The following ERBB4 variants were observed in gnomAD, a reference collection of about 807,000 sequenced individuals.
ERBB4 encodes erb-b2 receptor tyrosine kinase 4, also known as receptor tyrosine-protein kinase erbB-4.
A neutral mutation model predicts 158.0 loss-of-function variants in ERBB4; 42 were observed. The observed-to-expected ratio is 0.27, with a 90% CI of 0.21 to 0.34. The LOEUF (loss-of-function observed/expected upper bound fraction) is 0.34. ERBB4 is among the 10% of genes least tolerant of loss of function. The probability of loss-of-function intolerance (pLI) is 1.00; values close to 1 mark genes in which losing one functional copy is unlikely to be tolerated. For missense variants in ERBB4, 1,333 were observed against 1,624.1 expected (o/e 0.82, Z 3.08); for synonymous variants, 583 against 558.7 (o/e 1.04, Z -0.61).
intron 19 of ERBB4, among the ~76,000 whole-genome samples, chr2:211,563,904 T>C (rs2067477252): frequency 6.6e-6 from 1 of 152,200 alleles, no homozygotes; most frequent in African/African-American, 2.4e-5. Context: ...TTTTTCTATA[T>C]GAAGGTACAG....
At chr2:211,907,015 C>T (rs1440390067) in intron 3 of ERBB4, among the ~76,000 whole-genome samples, 1 of 151,626 alleles carries the variant, frequency 6.6e-6, no homozygotes, top group East Asian at 2.0e-4. Context: ...TTGTGTTCTT[C>T]TGACCTTTTT....
At position 212,124,831 on chromosome 2, in the gene ERBB4, T is replaced by C; in HGVS notation, c.155A>G (p.Tyr52Cys). Reference sequence around the variant, plus strand: ...CATGACAACCTCACAGTTTTCATAGTACTTGCGCAAGGCTCGGTACTGCTG... The same window carrying C: ...CATGACAACCTCACAGTTTTCATAGCACTTGCGCAAGGCTCGGTACTGCTG... ...LEQQYRALRK[Y>C]YENCEVVMGN... Residue 52 changes from tyrosine to cysteine, a missense_variant, in exon 2 of 28, where the codon TAC becomes TGC. Physicochemically the swap from Tyr to Cys is radical, Grantham distance 194. Transcript: ENST00000342788. 6.2e-7 allele frequency: 1 copy of C among 1,614,206 alleles called. No homozygotes were observed. The highest frequency in any genetic ancestry group is 8.5e-7 in the Non-Finnish European group (1 of 1,180,014).
In ERBB4 at chr2:211,683,172, C is replaced by T. The variant is rs369034999; in HGVS notation, c.1490-3988G>A. 1.3e-4 allele frequency among the ~76,000 whole-genome samples: 20 copies of T among 151,650 alleles called. No homozygotes were observed. The South Asian group carries it at 1.5e-3, about 11-fold the overall frequency. On this transcript the variant is annotated intron_variant, in intron 12 of 27. Coordinates refer to ENST00000342788, the MANE Select transcript of ERBB4 (RefSeq NM_005235.3). ...TGTAAGTAATGATACAGAGAGATAC[C>T]GTGTTATAGATACCCAGTTTTATCT...
intron 18 of ERBB4, 88 bp downstream of exon 18, chr2:211,623,834 G>T: frequency 7.8e-7 from 1 of 1,279,968 alleles, no homozygotes; most frequent in Non-Finnish European, 1.1e-6. Flanking sequence ...AGAAAATTAG[G>T]TTGTCTAAAG....
chr2:212,378,468 T>A (rs776985496), intron 1 of ERBB4, among the ~76,000 whole-genome samples: 1 of 151,872 alleles, frequency 6.6e-6, no homozygotes, highest in East Asian at 1.9e-4. Context: ...TACTTTCTTA[T>A]GTATGATATA....
intron 20 of ERBB4, among the ~76,000 whole-genome samples, chr2:211,538,543 C>T (rs1350374264): frequency 6.6e-6 from 1 of 151,804 alleles, no homozygotes; most frequent in Non-Finnish European, 1.5e-5. Context: ...GATTCTCTGA[C>T]CATTCACCAG....
At chr2:211,762,150 C>T (rs1415410327) in intron 4 of ERBB4, among the ~76,000 whole-genome samples, 1 of 152,082 alleles carries the variant, frequency 6.6e-6, no homozygotes, top group Admixed American at 6.6e-5. Context: ...CAAAGACAGA[C>T]AAAGAGGGAG....
chr2:212,342,432 C>G (rs191182965), intron 1 of ERBB4, among the ~76,000 whole-genome samples: 1 of 152,258 alleles, frequency 6.6e-6, no homozygotes, highest in East Asian at 1.9e-4. Flanking sequence ...TTGCCTGCCA[C>G]CATGTAAGAT....
rs756460001 is a variant in ERBB4 at position 211,422,077 on chromosome 2, G to A, written c.2894C>T (p.Pro965Leu). The A allele has an allele frequency of 1.2e-6, 2 of 1,611,454 alleles. No individual in the cohort carries two copies. Among genetic ancestry groups the A allele is most frequent in the Non-Finnish European group, 1.7e-6 (2 of 1,177,882 alleles). Residue 965 changes from proline to leucine, a missense_variant, in exon 24 of 28, where the codon CCT becomes CTT. Physicochemically the swap from Pro to Leu is moderately conservative, Grantham distance 98. Around this residue, in one of 5 missense-constraint regions of ERBB4, gnomAD observed 314 missense variants for 437.6 expected, o/e 0.72. Coordinates refer to ENST00000342788, the MANE Select transcript of ERBB4 (RefSeq NM_005235.3). ...CTCAGCAGCCAGTTCCTTAAATTTAGGTCTACTGTCAGCATCAATCATCCA... is the reference window on the plus strand; with the variant it reads ...CTCAGCAGCCAGTTCCTTAAATTTAAGTCTACTGTCAGCATCAATCATCCA... ...KCWMIDADSR[P>L]KFKELAAEFS...
intron 1 of ERBB4, among the ~76,000 whole-genome samples, chr2:212,199,243 C>T (rs776716943): frequency 6.6e-5 from 10 of 152,138 alleles, no homozygotes; most frequent in Admixed American, 2.0e-4. Flanking sequence ...ATCACAGATA[C>T]GTACTTTGAC....
At position 211,599,742 on chromosome 2, in the gene ERBB4, C is replaced by T. The variant is rs1456682198; in HGVS notation, c.2301+19435G>A. 2.0e-5 allele frequency among the ~76,000 whole-genome samples: 3 copies of T among 152,078 alleles called. No individual in the cohort carries two copies. The East Asian group carries it at 5.8e-4, about 29-fold the overall frequency. On this transcript the variant is annotated intron_variant, in intron 19 of 27. Coordinates refer to ENST00000342788, the MANE Select transcript of ERBB4 (RefSeq NM_005235.3). Reference sequence around the variant, plus strand: ...CTCTATCCTTAGCCAAATTAGATTGCACATATTATTTCCTATAAAACTTCT... The same window carrying T: ...CTCTATCCTTAGCCAAATTAGATTGTACATATTATTTCCTATAAAACTTCT...
chr2:212,038,446 A>C (rs1045878510), intron 2 of ERBB4, among the ~76,000 whole-genome samples: 1 of 152,134 alleles, frequency 6.6e-6, no homozygotes, highest in Non-Finnish European at 1.5e-5. Context: ...TTACTGAGTG[A>C]GTCCCCATGG....
chr2:212,385,128 C>T (rs1365039243), intron 1 of ERBB4, among the ~76,000 whole-genome samples: 3 of 151,522 alleles, frequency 2.0e-5, no homozygotes, highest in African/African-American at 7.3e-5. Flanking sequence ...GCTTAAGAAA[C>T]CTAATTCAGC....
At chr2:211,980,361 G>A (rs575137603) in intron 2 of ERBB4, among the ~76,000 whole-genome samples, 2 of 152,130 alleles carry the variant, frequency 1.3e-5, no homozygotes, top group Non-Finnish European at 1.5e-5. Flanking sequence ...TGAGTAGACC[G>A]AAGAGATGGT....
chr2:211,756,098 GGT>G (rs1177224358), intron 4 of ERBB4, among the ~76,000 whole-genome samples: 1 of 152,038 alleles, frequency 6.6e-6, no homozygotes, highest in Non-Finnish European at 1.5e-5. Flanking sequence ...CCCTATTCTT[GGT>G]GTGTGTGTGG....
chr2:212,178,960 T>C (rs150385626), intron 1 of ERBB4, among the ~76,000 whole-genome samples: 1 of 151,832 alleles, frequency 6.6e-6, no homozygotes, highest in Admixed American at 6.6e-5. Context: ...TTAATTCTAA[T>C]CTTTTTATAG....
intron 1 of ERBB4, among the ~76,000 whole-genome samples, chr2:212,375,933 C>T (rs754613852): frequency 1.2e-4 from 18 of 152,066 alleles, no homozygotes; most frequent in Non-Finnish European, 5.9e-5. Flanking sequence ...AAATGGATAA[C>T]TTGTTTCGAG....
rs541165284 is a variant in ERBB4 at position 211,661,971 on chromosome 2, G to A, written c.1871+3352C>T. On this transcript the variant is annotated intron_variant, in intron 15 of 27. Transcript: ENST00000342788. Reference sequence around the variant, plus strand: ...GGAGAATGGCGTGAACCCGGGAGGCGGAGCTTGCAGTGAGCCGAGATCCCG... The same window carrying A: ...GGAGAATGGCGTGAACCCGGGAGGCAGAGCTTGCAGTGAGCCGAGATCCCG... Among the ~76,000 whole-genome samples, 1,095 of 134,194 alleles carry A rather than the reference G, an allele frequency of 8.2e-3. 10 individuals carry two copies. Among genetic ancestry groups the A allele is most frequent in the Non-Finnish European group, 0.012 (776 of 64,290 alleles). 88.0% of individuals were successfully genotyped at this position (134,194 alleles called of 152,430 possible). A position where few individuals can be genotyped will look rare whatever the true frequency, so the allele number is the denominator to read the frequency against.
At chr2:212,454,920 G>A (rs544973994) in intron 1 of ERBB4, among the ~76,000 whole-genome samples, 106 of 151,796 alleles carry the variant, frequency 7.0e-4, no homozygotes, top group African/African-American at 2.4e-3. Context: ...AGAAATGACC[G>A]CCACCTCACT....
Sources: allele counts gnomAD v4.1 joint callset (sites outside exome capture counted in the v4.1 genomes callset), GRCh38; gene constraint gnomAD v4.1.1; regional missense constraint gnomAD v4.1.1; transcripts MANE v1.5; gene names NCBI Gene and HGNC (gene_info 2026-07-23, HGNC 2026-07-21).